KMT2D: variants seen among roughly 807,000 people sequenced by gnomAD.
KMT2D encodes the protein lysine methyltransferase 2D, also known as histone-lysine N-methyltransferase 2D.
A neutral mutation model predicts 512.7 loss-of-function variants in KMT2D; 55 were observed. That is an observed-to-expected ratio of 0.11 (90% CI 0.09 to 0.13). The LOEUF is 0.13. KMT2D is among the 10% of genes least tolerant of loss of function. The probability of loss-of-function intolerance (pLI) is 1.00; values close to 1 mark genes in which losing one functional copy is unlikely to be tolerated. For synonymous variants in KMT2D, 2,995 were observed against 2,904.0 expected (o/e 1.03, Z -1.01); for missense variants, 6,061 against 7,127.9 (o/e 0.85, Z 5.39).
In KMT2D at chr12:49,033,376, T is replaced by G. The variant is rs1291193803; in HGVS notation, c.11329A>C (p.Met3777Leu). Reference protein sequence around the residue: ...QALGPKPQGLMPPSSHQGLLV... With the variant: ...QALGPKPQGLLPPSSHQGLLV... ...AGGCCTTGGTGGCTGCTGGGAGGCA[T>G]AAGGCCCTGGGGCTTGGGACCCAGA... is the stretch of plus-strand genomic sequence containing the variant. The change falls in exon 40 of 55, where the codon ATG becomes CTG. Residue 3777 changes from methionine (M) to leucine (L), a missense_variant. This residue lies in a region of KMT2D where 1,600 missense variants were observed against 1,754.9 expected (regional missense o/e 0.91). Transcript: ENST00000301067. 2 of 1,578,470 alleles carry G rather than the reference T, an allele frequency of 1.3e-6. No homozygotes were observed. Among genetic ancestry groups the G allele is most frequent in the South Asian group, 2.3e-5 (2 of 86,898 alleles).
rs761644525 is a variant in KMT2D at position 49,022,241 on chromosome 12, C to G, written c.16412+39G>C. Reference sequence around the variant, plus strand: ...CGTCTATCCCCCAGAGTGCCACTCTCAGGGACCACTAAATCCCTCCTTCCT... The same window carrying G: ...CGTCTATCCCCCAGAGTGCCACTCTGAGGGACCACTAAATCCCTCCTTCCT... On this transcript the variant is annotated intron_variant, in intron 53 of 54. Coordinates refer to ENST00000301067, the MANE Select transcript of KMT2D (RefSeq NM_003482.4). The surrounding 1 kb of genome is among the most constrained non-coding windows in gnomAD (Gnocchi z 8.6). 1 of 1,591,784 alleles carries G rather than the reference C, an allele frequency of 6.3e-7. No individual in the cohort carries two copies.
chr12:49,019,303 A>G lies in KMT2D; in HGVS notation c.*2477T>C. 1 of 377,234 alleles carries G rather than the reference A, an allele frequency of 2.7e-6. No homozygotes were observed. The highest frequency in any genetic ancestry group is 3.8e-6 in the Non-Finnish European group (1 of 264,560). The allele number at this position is 377,234 out of a possible 1,614,324, so 23.4% of individuals were successfully genotyped here. A position where few individuals can be genotyped will look rare whatever the true frequency, so the allele number is the denominator to read the frequency against. The stretch of plus-strand genomic sequence containing the variant: ...CCTGGAGGTGAGGGGAGAAGACTGT[A>G]AAGGGGAAAACTGAAAACTGAGTAT... On this transcript the variant is annotated 3_prime_UTR_variant, in exon 55 of 55. Transcript: ENST00000301067.
rs1269315236 is a variant in KMT2D at position 49,041,103 on chromosome 12, G to A, written c.6667C>T (p.Pro2223Ser). Residue 2223 changes from proline (P) to serine (S), a missense_variant, in exon 32 of 55, where the codon CCA becomes TCA. By Grantham distance (74) the Pro-to-Ser change is moderately conservative (BLOSUM62 -1). Transcript: ENST00000301067. The surrounding 1 kb of genome is among the most constrained non-coding windows in gnomAD (Gnocchi z 5.4). ...GASSRPGAGQ[P>S]GEFHTTPPGT... ...GGTGGGGTAGTGTGGAATTCCCCTG[G>A]CTGGCCAGCCCCAGGACGAGATGAG... is the stretch of plus-strand genomic sequence containing the variant. The A allele has an allele frequency of 2.6e-6, 4 of 1,531,734 alleles. No individual in the cohort carries two copies. The highest frequency in any genetic ancestry group is 3.5e-6 in the Non-Finnish European group (4 of 1,143,060). 94.9% of individuals were successfully genotyped at this position (1,531,734 alleles called of 1,614,324 possible).
rs759239765 is a variant in KMT2D at position 49,037,904 on chromosome 12, C to A, written c.9452G>T (p.Gly3151Val). 19 of 1,603,726 alleles carry A rather than the reference C, an allele frequency of 1.2e-5. No homozygotes were observed. Among genetic ancestry groups the A allele is most frequent in the Non-Finnish European group, 1.4e-5 (17 of 1,175,434 alleles). ...GCTCTGTCCTGGCTTTAGCCCCAGG[C>A]CAAGGGAATTGGCAGCAGGTGCGGG... ...VEPAPAANSLGLGLKPGQSMM... is the reference protein window; with the variant it reads ...VEPAPAANSLVLGLKPGQSMM... Residue 3151 changes from glycine to valine, a missense_variant, in exon 35 of 55, where the codon GGC becomes GTC. Physicochemically the swap from Gly to Val is moderately radical, Grantham distance 109. Transcript: ENST00000301067.
In KMT2D at chr12:49,037,178, G is replaced by A. The variant is rs754209328; in HGVS notation, c.10178C>T (p.Pro3393Leu). ...CTGCTGCTGCATTGCCAATTGCTGC[G>A]GCTTCATGCACATGGAAGGTGGCAT... The part of the protein sequence containing the change: ...GTMPPSMCMK[P>L]QQLAMQQQLA... Residue 3393 changes from proline (P) to leucine (L), a missense_variant, in exon 35 of 55, where the codon CCG (proline) becomes CTG (leucine). Transcript: ENST00000301067. 3.1e-6 allele frequency: 5 copies of A among 1,599,982 alleles called. No individual in the cohort carries two copies. The highest frequency in any genetic ancestry group is 4.3e-6 in the Non-Finnish European group (5 of 1,169,144).
rs2120580480 is a variant in KMT2D, at chr12:49,044,260, T to G, written c.5128A>C (p.Thr1710Pro). Residue 1710 changes from threonine to proline, a missense_variant, in exon 22 of 55, where the codon ACG becomes CCG. Around this residue, in one of 16 missense-constraint regions of KMT2D, gnomAD observed 640 missense variants for 814.3 expected, o/e 0.79. Transcript: ENST00000301067. This position sits in a 1 kb window ranked among gnomAD's most constrained non-coding sequence, Gnocchi z 6.4. ...MVRQRKSHTRTKKGPAAQAEV... is the reference protein window; with the variant it reads ...MVRQRKSHTRPKKGPAAQAEV... ...GCCTGTGCAGCAGGCCCCTTTTTCGTGCGTGTGTGGGATTTCCGCTGTCGC... is the reference window on the plus strand; with the variant it reads ...GCCTGTGCAGCAGGCCCCTTTTTCGGGCGTGTGTGGGATTTCCGCTGTCGC... 1 of 1,613,200 alleles carries G rather than the reference T, an allele frequency of 6.2e-7. No individual in the cohort carries two copies.
Position 49,043,240 on chromosome 12 carries a change from T to C in KMT2D, c.5534-54A>G, listed in dbSNP as rs1943621720. 4.5e-6 allele frequency: 7 copies of C among 1,542,314 alleles called. No individual in the cohort carries two copies. In the Admixed American group the frequency reaches 1.2e-4, roughly 26 times the overall value. The stretch of plus-strand genomic sequence containing the variant: ...CAAGGCCAGGATGGGTCATGGCCAC[T>C]CTGAACCACAGAGGGCCATGGGACA... On this transcript the variant is annotated intron_variant, in intron 25 of 54. Transcript: ENST00000301067.
rs771291128 is a variant in KMT2D at position 49,051,395 on chromosome 12, G to C, written c.2288C>G (p.Pro763Arg). Residue 763 changes from proline to arginine, a missense_variant, in exon 11 of 55, where the codon CCG (proline) becomes CGG (arginine). Physicochemically the swap from Pro to Arg is moderately radical, Grantham distance 103 (BLOSUM62 -2). Transcript: ENST00000301067. Reference protein sequence around the residue: ...SPRPEEPHLSPQAEEPHLSPQ... With the variant: ...SPRPEEPHLSRQAEEPHLSPQ... ...GGACAGGTGTGGCTCCTCAGCCTGCGGAGATAGGTGTGGCTCCTCAGGCCG... is the reference window on the plus strand; with the variant it reads ...GGACAGGTGTGGCTCCTCAGCCTGCCGAGATAGGTGTGGCTCCTCAGGCCG... The C allele has an allele frequency of 5.6e-6, 9 of 1,610,142 alleles. No individual in the cohort carries two copies. Among genetic ancestry groups the C allele is most frequent in the Non-Finnish European group, 7.6e-6 (9 of 1,179,140 alleles).
Position 49,039,006 on chromosome 12 carries a change from T to C in KMT2D, c.8367-17A>G, listed in dbSNP as rs372273277. On this transcript the variant is annotated splice_polypyrimidine_tract_variant and intron_variant, in intron 34 of 54. Coordinates refer to ENST00000301067, the MANE Select transcript of KMT2D (RefSeq NM_003482.4). The surrounding 1 kb of genome is among the most constrained non-coding windows in gnomAD (Gnocchi z 5.0). ...ACCAGTTGCCTGGAAGAATATACAG[T>C]AGTCAGTAGGATGAAATCAGATGAA... is the stretch of plus-strand genomic sequence containing the variant. 2.6e-6 allele frequency: 4 copies of C among 1,551,220 alleles called. No homozygotes were observed. In the African/African-American group the frequency reaches 4.1e-5, roughly 16 times the overall value.
Position 49,034,527 on chromosome 12 carries a change from G to A in KMT2D, c.10441-51C>T. 1.9e-6 allele frequency: 3 copies of A among 1,612,212 alleles called. No homozygotes were observed. The African/African-American group carries it at 4.0e-5, about 22-fold the overall frequency. ...GTCATTGTTCCCTGCTAGGCCCTAA[G>A]AAGGGTGGCCCAGTGGCATAAGACA... On this transcript the variant is annotated intron_variant, in intron 37 of 54. Coordinates refer to ENST00000301067, the MANE Select transcript of KMT2D (RefSeq NM_003482.4).
Position 49,046,500 on chromosome 12 carries a change from AAGCCACC to A in KMT2D, c.4419-83_4419-77del. 1 of 1,586,864 alleles carries A rather than the reference AAGCCACC, an allele frequency of 6.3e-7. No individual in the cohort carries two copies. The highest frequency in any genetic ancestry group is 1.3e-5 in the African/African-American group (1 of 74,442). On this transcript the variant is annotated intron_variant, in intron 16 of 54. Coordinates refer to ENST00000301067, the MANE Select transcript of KMT2D (RefSeq NM_003482.4). The surrounding 1 kb of genome is among the most constrained non-coding windows in gnomAD (Gnocchi z 4.2). ...CCAGAAGTCCCCTCACCGGAAACCC[AAGCCACC>A]AGCCTGGCCTCCTAAACCCAGCCTC...
At position 49,043,728 on chromosome 12, in the gene KMT2D, C is replaced by T. The variant is rs754904046; in HGVS notation, c.5374G>A (p.Val1792Ile). The T allele has an allele frequency of 1.8e-5, 29 of 1,613,326 alleles. No individual in the cohort carries two copies. Among genetic ancestry groups the T allele is most frequent in the Admixed American group, 3.3e-5 (2 of 59,848 alleles). The change falls in exon 24 of 55, where the codon GTT (valine) becomes ATT (isoleucine). Residue 1792 changes from valine (V) to isoleucine (I), a missense_variant. By Grantham distance (29) the Val-to-Ile change is conservative (BLOSUM62 3). Around this residue, in one of 16 missense-constraint regions of KMT2D, gnomAD observed 640 missense variants for 814.3 expected, o/e 0.79. Coordinates refer to ENST00000301067, the MANE Select transcript of KMT2D (RefSeq NM_003482.4). The stretch of plus-strand genomic sequence containing the variant: ...CCAAAGCTTGGCCGGCCCACCCCAA[C>T]TGCAAAAAGGGCCTTACGGCTCAGG... ...LDLSRKALFAVGVGRPSFGLG... is the reference protein window; with the variant it reads ...LDLSRKALFAIGVGRPSFGLG...
In KMT2D at chr12:49,048,084, A is replaced by G. The variant is rs1312890668; in HGVS notation, c.4132-15T>C. 1.9e-6 allele frequency: 3 copies of G among 1,559,544 alleles called. No individual in the cohort carries two copies. Among genetic ancestry groups the G allele is most frequent in the South Asian group, 2.2e-5 (2 of 89,596 alleles). The stretch of plus-strand genomic sequence containing the variant: ...ACACACATGTCCTGGGGAAACACAG[A>G]GAAACCCAAATGTCCAACTAGATCT... On this transcript the variant is annotated splice_polypyrimidine_tract_variant and intron_variant, in intron 14 of 54. Transcript: ENST00000301067.
At position 49,045,980 on chromosome 12, in the gene KMT2D, G is replaced by A. The variant is rs2120597515; in HGVS notation, c.4694-13C>T. The stretch of plus-strand genomic sequence containing the variant: ...GGTGCAACAGGCGCTATGGAGAGAA[G>A]GACAAACGGAGGTGGCTGAGGTCCT... On this transcript the variant is annotated splice_polypyrimidine_tract_variant and intron_variant, in intron 18 of 54. Transcript: ENST00000301067. 6.2e-7 allele frequency: 1 copy of A among 1,613,932 alleles called. No individual in the cohort carries two copies. Among genetic ancestry groups the A allele is most frequent in the Non-Finnish European group, 8.5e-7 (1 of 1,179,838 alleles).
intron 14 of KMT2D, 129 bp from the exon 15 acceptor site, chr12:49,048,198 C>T (rs1937673110): frequency 3.3e-6 from 2 of 607,474 alleles, no homozygotes; most frequent in Non-Finnish European, 5.8e-6. Context: ...CGTTAGGATG[C>T]TGTAAGCTAC....
In KMT2D at chr12:49,052,387, G is replaced by A. The variant is rs547058856; in HGVS notation, c.1296C>T (p.Ala432=). ...AGVQLEPQLE[A]PLNEEMPLLP... is the part of the protein sequence containing the mutation. Reference sequence around the variant, plus strand: ...GCAGTGGCATCTCCTCGTTTAGGGGGGCCTCCAACTGGGGCTCAAGTTGGA... The same window carrying A: ...GCAGTGGCATCTCCTCGTTTAGGGGAGCCTCCAACTGGGGCTCAAGTTGGA... The change falls in exon 11 of 55, where the codon GCC becomes GCT. Residue 432 remains alanine, a synonymous_variant. Transcript: ENST00000301067. 240 of 1,541,338 alleles carry A rather than the reference G, an allele frequency of 1.6e-4. No homozygotes were observed. In the South Asian group the frequency reaches 2.7e-3, roughly 17 times the overall value.
In KMT2D at chr12:49,038,455, G is replaced by C. The variant is rs767675707; in HGVS notation, c.8901C>G (p.Pro2967=). ...GGCGGCCAAGCTCAGTGCTCGACGG[G>C]GGCCGGTTGACCAGCTCCAAACCAG... ...LPTGLELVNR[P]PSSTELGRPN... is the part of the protein sequence containing the mutation. The change falls in exon 35 of 55, where the codon CCC becomes CCG. Residue 2967 remains proline (P), a synonymous_variant. Transcript: ENST00000301067. The surrounding 1 kb of genome is among the most constrained non-coding windows in gnomAD (Gnocchi z 5.7). 6.2e-7 allele frequency: 1 copy of C among 1,609,228 alleles called. No homozygotes were observed. The highest frequency in any genetic ancestry group is 1.7e-4 in the Middle Eastern group (1 of 6,030).
Position 49,026,506 on chromosome 12 carries a change from G to A in KMT2D, c.15460C>T (p.Arg5154Trp), listed in dbSNP as rs768551828. The change falls in exon 49 of 55, where the codon CGG becomes TGG. Residue 5154 changes from arginine to tryptophan, a missense_variant. Physicochemically the swap from Arg to Trp is moderately radical, Grantham distance 101 (BLOSUM62 -3). Transcript: ENST00000301067. This position sits in a 1 kb window ranked among gnomAD's most constrained non-coding sequence, Gnocchi z 9.6. ...QELSSFAVFR[R>W]VYIERDEVKQ... ...ACCTCGTCCCGCTCAATGTAGACCCGCCGGAAGACAGCAAAAGAGCTCAGC... is the reference window on the plus strand; with the variant it reads ...ACCTCGTCCCGCTCAATGTAGACCCACCGGAAGACAGCAAAAGAGCTCAGC... 6.2e-7 allele frequency: 1 copy of A among 1,613,870 alleles called. No homozygotes were observed. The highest frequency in any genetic ancestry group is 8.5e-7 in the Non-Finnish European group (1 of 1,179,888).
chr12:49,022,062 C>T lies in KMT2D; in HGVS notation c.16502G>A (p.Arg5501Gln), dbSNP rs2137703559. The change falls in exon 54 of 55, where the codon CGA becomes CAA. Residue 5501 changes from arginine to glutamine, a missense_variant. Transcript: ENST00000301067. This position sits in a 1 kb window ranked among gnomAD's most constrained non-coding sequence, Gnocchi z 8.6. ...TCTCACCTCCTCTCCTTTGGGGATT[C>T]GCCGGCTGGAGATGATGATGATTTT... ...EDKIIIISSR[R>Q]IPKGEELTYD... 1 of 1,613,832 alleles carries T rather than the reference C, an allele frequency of 6.2e-7. No individual in the cohort carries two copies. Among genetic ancestry groups the T allele is most frequent in the Non-Finnish European group, 8.5e-7 (1 of 1,179,790 alleles).
Sources: gnomAD v4.1 joint callset for allele counts on GRCh38, gnomAD v4.1.1 for gene constraint, gnomAD v4.1.1 regional missense constraint, Gnocchi (gnomAD v3.1) non-coding constraint, MANE v1.5 for transcripts, NCBI Gene and HGNC (gene_info 2026-07-23, HGNC 2026-07-21) for gene names.